The following PIP5K1B variants were observed in gnomAD, a reference collection of about 807,000 sequenced individuals.
The protein encoded by PIP5K1B is phosphatidylinositol 4-phosphate 5-kinase type-1 beta.
In PIP5K1B, 42 loss-of-function variants were observed where a neutral mutation model predicts 67.0. The observed-to-expected ratio is 0.63, with a 90% CI of 0.49 to 0.81. PIP5K1B has a LOEUF of 0.81. Ranked by LOEUF, PIP5K1B falls within the 30% of genes least tolerant of loss-of-function variation. The pLI, the probability that PIP5K1B is intolerant of heterozygous loss-of-function variation, is 0.00. For synonymous variants in PIP5K1B, 214 were observed against 231.4 expected (o/e 0.92, Z 0.68); for missense variants, 459 against 646.3 (o/e 0.71, Z 3.14).
chr9:68,944,269 A>G (rs563446788), intron 14 of PIP5K1B, among the ~76,000 whole-genome samples: 3 of 152,364 alleles, frequency 2.0e-5, no homozygotes, highest in African/African-American at 4.8e-5. Context: ...TCTTTTAAAA[A>G]GAGGTATAAA....
chr9:68,887,767 T>G (rs894707102), intron 6 of PIP5K1B, among the ~76,000 whole-genome samples: 9 of 152,076 alleles, frequency 5.9e-5, no homozygotes, highest in African/African-American at 2.2e-4. Context: ...ATCAACAGTC[T>G]GGTTAGGAAA....
chr9:69,001,064 A>AATTTTT (rs1167589084), intron 15 of PIP5K1B, among the ~76,000 whole-genome samples: 1 of 151,668 alleles, frequency 6.6e-6, no homozygotes, highest in African/African-American at 2.4e-5. Context: ...ACACCCGGCT[A>AATTTTT]ATTTTTATTT....
intron 2 of PIP5K1B, chr9:68,789,516 G>T (rs1334205829): frequency 3.9e-6 from 2 of 519,376 alleles, no homozygotes; most frequent in Non-Finnish European, 7.9e-6. Context: ...ACAGTGGTGA[G>T]GGGTAGGGAT....
chr9:68,842,733 A>G (rs1821980364), intron 4 of PIP5K1B, among the ~76,000 whole-genome samples: 1 of 152,184 alleles, frequency 6.6e-6, no homozygotes, highest in African/African-American at 2.4e-5. Flanking sequence ...AAGACCGGGG[A>G]TGCTGCTGAA....
intron 2 of PIP5K1B, among the ~76,000 whole-genome samples, chr9:68,796,344 C>G (rs1301381102): frequency 6.6e-6 from 1 of 151,900 alleles, no homozygotes; most frequent in Non-Finnish European, 1.5e-5. Flanking sequence ...TGATGTACAT[C>G]TGAACAAACT....
intron 1 of PIP5K1B, chr9:68,706,021 G>A (rs1472150839): frequency 6.6e-6 from 1 of 152,218 alleles, no homozygotes. Context: ...AGTGACACTC[G>A]GAGATCACTC....
At chr9:68,925,794 A>ACTTTTTTTTTTTTTTTTTTTTTTTTTTT in intron 12 of PIP5K1B, among the ~76,000 whole-genome samples, 1 of 12,012 alleles carries the variant, frequency 8.3e-5, no homozygotes, top group African/African-American at 1.3e-4. Flanking sequence ...TTGTGGTTCC[A>ACTTTTTTTTTTTTTTTTTTTTTTTTTTT]ATTTTTTTTT....
chr9:68,923,506 A>G (rs1409713299), intron 12 of PIP5K1B, 120 bp downstream of exon 12: 1 of 583,460 alleles, frequency 1.7e-6, no homozygotes, highest in Non-Finnish European at 3.0e-6. Context: ...TCACTTAGTA[A>G]TTATGGTTAA....
intron 5 of PIP5K1B, among the ~76,000 whole-genome samples, chr9:68,864,230 G>C (rs1259181903): frequency 6.6e-6 from 1 of 152,200 alleles, no homozygotes; most frequent in African/African-American, 2.4e-5. Flanking sequence ...AGACCATATG[G>C]AGAAAGATTT....
chr9:68,831,418 A>G (rs369891697), intron 4 of PIP5K1B, among the ~76,000 whole-genome samples: 7 of 152,204 alleles, frequency 4.6e-5, no homozygotes, highest in African/African-American at 1.7e-4. Flanking sequence ...TACAGATGAG[A>G]AAACAGGTAC....
chr9:68,951,559 C>A (rs998781244), intron 14 of PIP5K1B, among the ~76,000 whole-genome samples: 1 of 152,174 alleles, frequency 6.6e-6, no homozygotes. Flanking sequence ...TTTAGGGAAC[C>A]GGTCGAGCCT....
At chr9:68,747,163 C>T (rs763240452) in intron 2 of PIP5K1B, among the ~76,000 whole-genome samples, 7 of 150,836 alleles carry the variant, frequency 4.6e-5, no homozygotes, top group African/African-American at 1.2e-4. Context: ...AGTTTTACTC[C>T]GTATAAGGCC....
intron 1 of PIP5K1B, among the ~76,000 whole-genome samples, chr9:68,722,004 T>G (rs1181408476): frequency 6.6e-6 from 1 of 152,126 alleles, no homozygotes; most frequent in Non-Finnish European, 1.5e-5. Context: ...TGATCCCCAC[T>G]CTGCCTCCCT....
intron 12 of PIP5K1B, among the ~76,000 whole-genome samples, chr9:68,927,643 G>C (rs1381854694): frequency 1.3e-5 from 2 of 152,048 alleles, no homozygotes; most frequent in East Asian, 1.9e-4. Context: ...AGAGTTCTTT[G>C]TATATTCTGG....
At chr9:68,914,088 A>G (rs1416589642) in intron 8 of PIP5K1B, among the ~76,000 whole-genome samples, 1 of 152,234 alleles carries the variant, frequency 6.6e-6, no homozygotes, top group Non-Finnish European at 1.5e-5. Context: ...CATTTTTAAA[A>G]AAATCTTCTT....
chr9:68,889,257 C>T, intron 7 of PIP5K1B, 124 bp downstream of exon 7: 1 of 693,144 alleles, frequency 1.4e-6, no homozygotes, highest in Non-Finnish European at 2.4e-6. Flanking sequence ...CTTTATTCTG[C>T]ATTTAAATTA....
intron 2 of PIP5K1B, among the ~76,000 whole-genome samples, chr9:68,790,696 T>C (rs1446325463): frequency 6.6e-6 from 1 of 152,206 alleles, no homozygotes; most frequent in East Asian, 1.9e-4. Flanking sequence ...ACTTTAGATT[T>C]TCTTCTATTT....
At position 68,799,679 on chromosome 9, in the gene PIP5K1B, G is replaced by A. The variant is rs111462197; in HGVS notation, c.-85-18782G>A. Reference sequence around the variant, plus strand: ...TCAACAAAGGGTGTTGGGAAAACTGGATATCCATATGTGAAAGAATGAAAC... The same window carrying A: ...TCAACAAAGGGTGTTGGGAAAACTGAATATCCATATGTGAAAGAATGAAAC... On this transcript the variant is annotated intron_variant, in intron 2 of 15. Coordinates refer to ENST00000265382, the MANE Select transcript of PIP5K1B (RefSeq NM_003558.4). 5.3e-5 allele frequency among the ~76,000 whole-genome samples: 8 copies of A among 152,258 alleles called. 1 individual carries two copies. The highest frequency in any genetic ancestry group is 1.9e-4 in the African/African-American group (8 of 41,538).
At chr9:68,981,797 CTT>C (rs59844836) in intron 14 of PIP5K1B, among the ~76,000 whole-genome samples, 15,206 of 147,306 alleles carry the variant, frequency 0.1, 937 homozygotes, top group East Asian at 0.31. Context: ...CCAAAAGAAT[CTT>C]TTTTTTTTTT....
Sources: allele counts gnomAD v4.1 joint callset (sites outside exome capture counted in the v4.1 genomes callset), GRCh38; gene constraint gnomAD v4.1.1; transcripts MANE v1.5; gene names NCBI Gene and HGNC (gene_info 2026-07-23, HGNC 2026-07-21).